SETBP1: variants seen among roughly 807,000 people sequenced by gnomAD.
SETBP1 encodes SET-binding protein.
In SETBP1, 9 loss-of-function variants were observed where a neutral mutation model predicts 101.0. The observed-to-expected ratio is 0.09, with a 90% CI of 0.05 to 0.16. The LOEUF is 0.16. Among genes scored for constraint, SETBP1 ranks in the 10% least tolerant of loss-of-function variants. The probability of loss-of-function intolerance (pLI) is 1.00; values close to 1 mark genes in which losing one functional copy is unlikely to be tolerated. For missense variants in SETBP1, 1,858 were observed against 2,033.8 expected, an observed-to-expected ratio of 0.91 and a Z score of 1.66; for synonymous variants, 818 against 788.5, an observed-to-expected ratio of 1.04 and a Z score of -0.63.
At chr18:44,719,647 A>C (rs1406710396) in intron 2 of SETBP1, among the ~76,000 whole-genome samples, 2 of 152,194 alleles carry the variant, frequency 1.3e-5, no homozygotes, top group Non-Finnish European at 2.9e-5. Flanking sequence ...ACCTCCAGGG[A>C]AGAGCAGGTG....
intron 2 of SETBP1, among the ~76,000 whole-genome samples, chr18:44,821,138 C>T (rs546848384): frequency 2.6e-5 from 4 of 152,302 alleles, no homozygotes; most frequent in African/African-American, 9.6e-5. Flanking sequence ...ACCTCTCTTG[C>T]TGAGTGGCCT....
intron 2 of SETBP1, among the ~76,000 whole-genome samples, chr18:44,721,910 T>G (rs933008099): frequency 1.3e-5 from 2 of 152,226 alleles, no homozygotes; most frequent in Non-Finnish European, 2.9e-5. Context: ...CTTGCAAAAT[T>G]GTTCCTTGTT....
chr18:44,914,886 G>C (rs1313747609), intron 3 of SETBP1, among the ~76,000 whole-genome samples: 1 of 152,108 alleles, frequency 6.6e-6, no homozygotes, highest in Non-Finnish European at 1.5e-5. Context: ...CTGAGGACAG[G>C]TGCTTTTCAG....
At chr18:44,872,911 C>T (rs1219566963) in intron 3 of SETBP1, among the ~76,000 whole-genome samples, 1 of 152,216 alleles carries the variant, frequency 6.6e-6, no homozygotes, top group East Asian at 1.9e-4. Flanking sequence ...TCCTCACCTG[C>T]TACATAAACC....
chr18:44,998,083 G>T (rs2072536916), intron 4 of SETBP1, among the ~76,000 whole-genome samples: 1 of 152,240 alleles, frequency 6.6e-6, no homozygotes, highest in African/African-American at 2.4e-5. Flanking sequence ...TCTAGTTAAA[G>T]AGAAGGGAGA....
At chr18:44,732,317 C>T (rs999080431) in intron 2 of SETBP1, among the ~76,000 whole-genome samples, 3 of 152,154 alleles carry the variant, frequency 2.0e-5, no homozygotes, top group Admixed American at 6.5e-5. Context: ...TAACATGCTA[C>T]GACTTGACTG....
chr18:44,773,189 G>A (rs903611139), intron 2 of SETBP1, among the ~76,000 whole-genome samples: 1 of 152,166 alleles, frequency 6.6e-6, no homozygotes, highest in Admixed American at 6.5e-5. Context: ...AGTCCATAGA[G>A]GAAGCATAGC....
intron 4 of SETBP1, among the ~76,000 whole-genome samples, chr18:45,028,579 T>A (rs2073221559): frequency 6.6e-6 from 1 of 152,208 alleles, no homozygotes; most frequent in Non-Finnish European, 1.5e-5. Context: ...CCCCGAGGAA[T>A]CGCCACACTG....
intron 2 of SETBP1, among the ~76,000 whole-genome samples, chr18:44,803,533 C>A (rs1226966342): frequency 6.6e-6 from 1 of 152,140 alleles, no homozygotes; most frequent in African/African-American, 2.4e-5. Flanking sequence ...TCCCTTTCCT[C>A]CATTATTTTC....
intron 5 of SETBP1, among the ~76,000 whole-genome samples, chr18:45,048,800 G>A (rs1286321959): frequency 1.3e-5 from 2 of 149,906 alleles, no homozygotes; most frequent in Non-Finnish European, 3.0e-5. Flanking sequence ...GTGAAACCCC[G>A]TCTCTACTAA....
Position 44,950,895 on chromosome 18 carries a change from C to A in SETBP1, c.1555C>A (p.Pro519Thr). 6.2e-7 allele frequency: 1 copy of A among 1,614,140 alleles called. No individual in the cohort carries two copies. Among genetic ancestry groups the A allele is most frequent in the Non-Finnish European group, 8.5e-7 (1 of 1,180,020 alleles). ...AGATCACTCTCCATCCAGAAAGCTG[C>A]CAGAAATCCAGCATCCAAAATTTGC... ...CTDHSPSRKL[P>T]EIQHPKFAAK... The change falls in exon 4 of 6, where the codon CCA (proline) becomes ACA (threonine). Residue 519 changes from proline to threonine, a missense_variant. Coordinates refer to ENST00000649279, the MANE Select transcript of SETBP1 (RefSeq NM_015559.3).
At chr18:45,045,149 G>T (rs890324416) in intron 5 of SETBP1, among the ~76,000 whole-genome samples, 1 of 152,040 alleles carries the variant, frequency 6.6e-6, no homozygotes, top group Non-Finnish European at 1.5e-5. Context: ...TACAGGCCAG[G>T]CACAGTGGCT....
intron 2 of SETBP1, among the ~76,000 whole-genome samples, chr18:44,776,782 G>A (rs2144661193): frequency 6.7e-6 from 1 of 149,366 alleles, no homozygotes; most frequent in East Asian, 1.9e-4. Context: ...GAGCACACAT[G>A]TGTTCACAGA....
At chr18:44,799,170 C>A (rs527560128) in intron 2 of SETBP1, among the ~76,000 whole-genome samples, 25 of 152,130 alleles carry the variant, frequency 1.6e-4, no homozygotes, top group Middle Eastern at 3.4e-3. Flanking sequence ...TCATTAACAT[C>A]TTATATTTGT....
chr18:44,916,203 G>A (rs2070422490), intron 3 of SETBP1, among the ~76,000 whole-genome samples: 1 of 152,184 alleles, frequency 6.6e-6, no homozygotes, highest in Admixed American at 6.5e-5. Context: ...TCCAGCCTGG[G>A]TGACAGAGCA....
Position 44,951,533 on chromosome 18 carries a change from A to C in SETBP1, c.2193A>C (p.Pro731=), listed in dbSNP as rs774399278. 1 of 1,614,146 alleles carries C rather than the reference A, an allele frequency of 6.2e-7. No individual in the cohort carries two copies. The highest frequency in any genetic ancestry group is 1.7e-5 in the Admixed American group (1 of 60,028). The stretch of plus-strand genomic sequence containing the variant: ...TTGGCAAGAAGCGGGGCAGGAAGCC[A>C]AGAGCAGAGCTGCCACCCCCATCCG... The part of the protein sequence containing the change: ...IYIGKKRGRK[P]RAELPPPSEE... Residue 731 remains proline (P), a synonymous_variant, in exon 4 of 6, where the codon CCA becomes CCC. Transcript: ENST00000649279. This position sits in a 1 kb window ranked among gnomAD's most constrained non-coding sequence, Gnocchi z 7.8.
chr18:44,910,813 C>G (rs2070290451), intron 3 of SETBP1, among the ~76,000 whole-genome samples: 1 of 152,136 alleles, frequency 6.6e-6, no homozygotes, highest in South Asian at 2.1e-4. Flanking sequence ...TCTAGTGCCT[C>G]CCCACAGGGA....
rs1018588468 is a variant in SETBP1 at position 44,833,777 on chromosome 18, C to T, written c.487-35453C>T. ...CAAGCTCCCCTGGCTCATAGCAATT[C>T]ATGCAGTAGTTATTTTAAGTGGAAA... On this transcript the variant is annotated intron_variant, in intron 2 of 5. Coordinates refer to ENST00000649279, the MANE Select transcript of SETBP1 (RefSeq NM_015559.3). Among the ~76,000 whole-genome samples, 7 of 152,172 alleles carry T rather than the reference C, an allele frequency of 4.6e-5. No individual in the cohort carries two copies. In the East Asian group the frequency reaches 1.3e-3, roughly 29 times the overall value.
intron 2 of SETBP1, among the ~76,000 whole-genome samples, chr18:44,849,132 C>G (rs952789364): frequency 1.3e-5 from 2 of 152,162 alleles, no homozygotes; most frequent in Non-Finnish European, 2.9e-5. Context: ...GAACGTCCCC[C>G]ATCTGCTGCT....
Sources: allele counts gnomAD v4.1 joint callset (sites outside exome capture counted in the v4.1 genomes callset), GRCh38; gene constraint gnomAD v4.1.1; non-coding constraint Gnocchi (gnomAD v3.1); transcripts MANE v1.5; gene names NCBI Gene and HGNC (gene_info 2026-07-23, HGNC 2026-07-21).